Variants in GULP1 observed in about 807,000 individuals in gnomAD.
The protein encoded by GULP1 is GULP PTB domain containing engulfment adaptor 1.
A neutral mutation model predicts 40.9 loss-of-function variants in GULP1; 19 were observed. That is an observed-to-expected ratio of 0.46 (90% CI 0.32 to 0.68). GULP1 has a LOEUF of 0.68. Among genes scored for constraint, GULP1 ranks in the 30% least tolerant of loss-of-function variants. The pLI is 0.03. For synonymous variants in GULP1, 119 were observed against 117.6 expected (o/e 1.01, Z -0.08); for missense variants, 312 against 362.2 (o/e 0.86, Z 1.12).
At chr2:188,465,614 A>C (rs2152983088) in intron 2 of GULP1, among the ~76,000 whole-genome samples, 1 of 152,216 alleles carries the variant, frequency 6.6e-6, no homozygotes, top group African/African-American at 2.4e-5. Context: ...GGGGAACTGA[A>C]GTTCCAAACA....
chr2:188,470,689 T>G (rs1278591244), intron 2 of GULP1, among the ~76,000 whole-genome samples: 1 of 152,168 alleles, frequency 6.6e-6, no homozygotes, highest in East Asian at 1.9e-4. Context: ...TTCTGGAGCA[T>G]ATTGTTTAAT....
intron 11 of GULP1, chr2:188,591,072 A>C (rs533056256): frequency 2.0e-5 from 3 of 152,102 alleles, no homozygotes; most frequent in Admixed American, 2.0e-4. Flanking sequence ...TACATTACAT[A>C]TACATAATTA....
Position 188,316,257 on chromosome 2 carries a change from C to A in GULP1, c.-172+24091C>A, listed in dbSNP as rs557210753. ...AGTTTCATCCTGTGACAAGAAACTT[C>A]TAATATATTTGAAGAATTACAGTCT... On this transcript the variant is annotated intron_variant, in intron 1 of 11. Transcript: ENST00000409830. Among the ~76,000 whole-genome samples the A allele has an allele frequency of 5.9e-5, 9 of 152,244 alleles. No homozygotes were observed. In the South Asian group the frequency reaches 8.3e-4, roughly 14 times the overall value.
At chr2:188,576,942 G>A (rs1259812383) in intron 9 of GULP1, among the ~76,000 whole-genome samples, 1 of 152,102 alleles carries the variant, frequency 6.6e-6, no homozygotes, top group Non-Finnish European at 1.5e-5. Flanking sequence ...TAGAAAAAGA[G>A]TTTATTCTGC....
chr2:188,532,778 G>C (rs1435490544), intron 6 of GULP1, among the ~76,000 whole-genome samples: 1 of 146,918 alleles, frequency 6.8e-6, no homozygotes, highest in Non-Finnish European at 1.5e-5. Context: ...AAAAGTAGCT[G>C]GGTGTGGTGG....
At chr2:188,380,184 G>A (rs1293745572) in intron 1 of GULP1, among the ~76,000 whole-genome samples, 1 of 152,100 alleles carries the variant, frequency 6.6e-6, no homozygotes, top group Admixed American at 6.6e-5. Flanking sequence ...AGAATACATA[G>A]GAAGTGATTG....
intron 1 of GULP1, among the ~76,000 whole-genome samples, chr2:188,380,127 G>A (rs1372166534): frequency 6.6e-6 from 1 of 152,130 alleles, no homozygotes; most frequent in Non-Finnish European, 1.5e-5. Context: ...TAGAGTGTAG[G>A]GGTATAGGTA....
At chr2:188,423,047 A>G (rs191381965) in intron 2 of GULP1, among the ~76,000 whole-genome samples, 7 of 152,200 alleles carry the variant, frequency 4.6e-5, no homozygotes, top group Admixed American at 2.0e-4. Flanking sequence ...AGAGTCAACT[A>G]AATTTGGTTT....
intron 2 of GULP1, among the ~76,000 whole-genome samples, chr2:188,403,291 C>A (rs1278337918): frequency 6.6e-6 from 1 of 151,858 alleles, no homozygotes; most frequent in African/African-American, 2.4e-5. Context: ...CGAAGAGATT[C>A]CAAGGTAAAT....
intron 2 of GULP1, among the ~76,000 whole-genome samples, chr2:188,421,155 TAAAC>T (rs1305475905): frequency 1.3e-5 from 2 of 152,124 alleles, no homozygotes; most frequent in Non-Finnish European, 2.9e-5. Flanking sequence ...GTAGAAAACT[TAAAC>T]ACTCCATTAA....
intron 4 of GULP1, among the ~76,000 whole-genome samples, chr2:188,502,753 C>G (rs923234099): frequency 6.6e-6 from 1 of 151,938 alleles, no homozygotes; most frequent in African/African-American, 2.4e-5. Context: ...CCTAGAAAGT[C>G]TCTTAGTCAG....
intron 7 of GULP1, among the ~76,000 whole-genome samples, chr2:188,542,736 TAAATA>T (rs1690868517): frequency 6.6e-6 from 1 of 152,186 alleles, no homozygotes; most frequent in African/African-American, 2.4e-5. Flanking sequence ...GATGAATGAA[TAAATA>T]AAATTTACAT....
chr2:188,583,520 A>G (rs1455335834), intron 9 of GULP1, among the ~76,000 whole-genome samples: 3 of 152,170 alleles, frequency 2.0e-5, no homozygotes, highest in East Asian at 1.9e-4. Flanking sequence ...AAAGTGATAA[A>G]TGTCTAATTT....
intron 2 of GULP1, among the ~76,000 whole-genome samples, chr2:188,409,178 G>A (rs1216601755): frequency 6.6e-6 from 1 of 151,918 alleles, no homozygotes; most frequent in African/African-American, 2.4e-5. Flanking sequence ...CAATAACAAA[G>A]AGCAACAAAC....
At chr2:188,361,846 A>C (rs2046135159) in intron 1 of GULP1, among the ~76,000 whole-genome samples, 1 of 152,122 alleles carries the variant, frequency 6.6e-6, no homozygotes, top group Admixed American at 6.5e-5. Flanking sequence ...AATGTATGTC[A>C]TTTATATTCA....
chr2:188,491,006 A>G (rs902939099), intron 4 of GULP1, among the ~76,000 whole-genome samples: 1 of 151,906 alleles, frequency 6.6e-6, no homozygotes. Context: ...CACGTTGCTT[A>G]TTGCTGGTCT....
At chr2:188,427,179 T>G (rs1327793651) in intron 2 of GULP1, among the ~76,000 whole-genome samples, 1 of 152,160 alleles carries the variant, frequency 6.6e-6, no homozygotes, top group East Asian at 1.9e-4. Flanking sequence ...CTCATATGAA[T>G]GAGCAAATAA....
chr2:188,500,019 G>T (rs2063287731), intron 4 of GULP1, among the ~76,000 whole-genome samples: 1 of 151,716 alleles, frequency 6.6e-6, no homozygotes, highest in Non-Finnish European at 1.5e-5. Context: ...AATCATTTTA[G>T]CAACTAAGAC....
chr2:188,458,263 C>T (rs1422518078), intron 2 of GULP1, among the ~76,000 whole-genome samples: 3 of 152,092 alleles, frequency 2.0e-5, no homozygotes, highest in East Asian at 1.9e-4. Flanking sequence ...CATTTATGCT[C>T]TCTCTTTTCT....
Sources: allele counts gnomAD v4.1 joint callset (sites outside exome capture counted in the v4.1 genomes callset), GRCh38; gene constraint gnomAD v4.1.1; transcripts MANE v1.5; gene names NCBI Gene and HGNC (gene_info 2026-07-23, HGNC 2026-07-21).